COL4A6: variants seen among roughly 807,000 people sequenced by gnomAD.
COL4A6 encodes collagen type IV alpha 6 chain, also known as collagen alpha-6(IV) chain.
In COL4A6, 59 loss-of-function variants were observed where a neutral mutation model predicts 126.7. The ratio of observed to expected loss-of-function variants is 0.47; its 90% confidence interval spans 0.38 to 0.58. The LOEUF is 0.58. Among genes scored for constraint, COL4A6 ranks in the 20% least tolerant of loss-of-function variants. The pLI, the probability that COL4A6 is intolerant of heterozygous loss-of-function variation, is 0.00. For missense variants in COL4A6, 1,285 were observed against 1,337.3 expected (o/e 0.96, Z 0.61); for synonymous variants, 547 against 496.6 (o/e 1.10, Z -1.35).
At chrX:108,277,289 T>C (rs2037635772) in intron 3 of COL4A6, among the ~76,000 whole-genome samples, 1 of 111,821 alleles carries the variant, frequency 8.9e-6, no homozygotes, top group South Asian at 3.8e-4. Flanking sequence ...CCCACCCCAA[T>C]ACTGCGCTTT....
intron 2 of COL4A6, among the ~76,000 whole-genome samples, chrX:108,433,952 A>C (rs1459958893): frequency 8.9e-6 from 1 of 112,111 alleles, no homozygotes; most frequent in Non-Finnish European, 1.9e-5. Context: ...AAAATTATGA[A>C]ATAATCCATA....
intron 6 of COL4A6, among the ~76,000 whole-genome samples, 180 bp from the exon 7 acceptor site, chrX:108,211,920 G>C (rs180770002): frequency 2.9e-4 from 32 of 111,932 alleles, no homozygotes; most frequent in Non-Finnish European, 5.6e-4. Flanking sequence ...CTGATTCAGA[G>C]CTATATGCCC....
chrX:108,321,797 G>T (rs1485481621), intron 2 of COL4A6, among the ~76,000 whole-genome samples: 2 of 111,039 alleles, frequency 1.8e-5, no homozygotes, highest in Admixed American at 9.6e-5. Flanking sequence ...CTATCCTGGG[G>T]CCACATTCAC....
chrX:108,425,941 G>A (rs1026622606), intron 2 of COL4A6, among the ~76,000 whole-genome samples: 2 of 111,285 alleles, frequency 1.8e-5, no homozygotes, highest in African/African-American at 6.5e-5. Flanking sequence ...TTTGAAAAAT[G>A]TTCTAATAGA....
Position 108,174,376 on chromosome X carries a change from G to A in COL4A6, c.3138+64C>T, listed in dbSNP as rs145357359. ...CTGGGATCAGAGAGGTGGGCAGTGGGGGTATATCCCCGTGAGATGGGGGGC... is the reference window on the plus strand; with the variant it reads ...CTGGGATCAGAGAGGTGGGCAGTGGAGGTATATCCCCGTGAGATGGGGGGC... On this transcript the variant is annotated intron_variant, in intron 31 of 44. Transcript: ENST00000334504. 14,096 of 1,089,674 alleles carry A rather than the reference G, an allele frequency of 0.013. 91 individuals carry two copies. Among genetic ancestry groups the A allele is most frequent in the Non-Finnish European group, 0.016 (12,454 of 789,834 alleles). The allele number at this position is 1,089,674 out of a possible 1,213,427, so 89.8% of individuals were successfully genotyped here. A position where few individuals can be genotyped will look rare whatever the true frequency, so the allele number is the denominator to read the frequency against.
At chrX:108,228,625 C>T (rs1319982200) in intron 3 of COL4A6, among the ~76,000 whole-genome samples, 1 of 112,248 alleles carries the variant, frequency 8.9e-6, no homozygotes, top group South Asian at 3.7e-4. Context: ...GAAGGGGAAG[C>T]AAACATGTCC....
chrX:108,228,581 C>G (rs946113538), intron 3 of COL4A6, among the ~76,000 whole-genome samples: 7 of 112,452 alleles, frequency 6.2e-5, no homozygotes, highest in African/African-American at 2.3e-4. Flanking sequence ...TTCAGCATGG[C>G]TGGAGAGGCC....
At chrX:108,339,661 A>T (rs1033579269) in intron 2 of COL4A6, among the ~76,000 whole-genome samples, 2 of 111,347 alleles carry the variant, frequency 1.8e-5, no homozygotes, top group Non-Finnish European at 3.8e-5. Context: ...CAGGATTGAG[A>T]GTTTACTCAG....
chrX:108,177,645 ACCT>A (rs1361143908), intron 27 of COL4A6, among the ~76,000 whole-genome samples: 1 of 111,946 alleles, frequency 8.9e-6, no homozygotes, highest in Non-Finnish European at 1.9e-5. Flanking sequence ...AATGGGATTA[ACCT>A]CCTGAGCTGC....
intron 3 of COL4A6, among the ~76,000 whole-genome samples, chrX:108,267,368 T>C (rs976893744): frequency 3.6e-5 from 4 of 112,309 alleles, no homozygotes; most frequent in Non-Finnish European, 5.6e-5. Flanking sequence ...TAACATGATA[T>C]ATCTCCAGGT....
intron 3 of COL4A6, among the ~76,000 whole-genome samples, chrX:108,252,394 TTAGA>T (rs1184103871): frequency 8.9e-6 from 1 of 111,803 alleles, no homozygotes; most frequent in Non-Finnish European, 1.9e-5. Flanking sequence ...TGATGAACAA[TTAGA>T]TTGATTCTAT....
At chrX:108,214,253 C>T in intron 5 of COL4A6, 25 bp from the exon 6 acceptor site, 1 of 1,074,386 alleles carries the variant, frequency 9.3e-7, no homozygotes. Context: ...AAGAAGGGAT[C>T]AAGTTAGCCA....
chrX:108,232,939 C>T lies in COL4A6; in HGVS notation c.145-11565G>A, dbSNP rs778378419. 3.5e-4 allele frequency among the ~76,000 whole-genome samples: 39 copies of T among 111,081 alleles called. 1 individual carries two copies. The highest frequency in any genetic ancestry group is 1.0e-3 in the African/African-American group (32 of 30,592). ...ACCTCATTTGCTAGACTCATGAGGC[C>T]GTAAACCCTCAAGGAAGAGCTTTCA... On this transcript the variant is annotated intron_variant, in intron 3 of 44. Transcript: ENST00000334504.
intron 2 of COL4A6, among the ~76,000 whole-genome samples, chrX:108,318,922 G>T (rs2038951554): frequency 8.9e-6 from 1 of 112,490 alleles, no homozygotes; most frequent in Non-Finnish European, 1.9e-5. Flanking sequence ...TCAGATCCTA[G>T]TAACTGCTCT....
At chrX:108,162,262 A>C (rs2033970201) in intron 41 of COL4A6, among the ~76,000 whole-genome samples, 1 of 110,641 alleles carries the variant, frequency 9.0e-6, no homozygotes, top group Non-Finnish European at 1.9e-5. Flanking sequence ...AGGCGGGAGA[A>C]TCACTTGAAT....
At chrX:108,221,205 T>G (rs368350207) in intron 4 of COL4A6, 35 bp downstream of exon 4, 48 of 1,206,324 alleles carry the variant, frequency 4.0e-5, no homozygotes, top group Non-Finnish European at 5.2e-5. Context: ...TTGTGGCCCA[T>G]GCATCAAAGA....
intron 2 of COL4A6, among the ~76,000 whole-genome samples, chrX:108,370,699 G>C (rs2040304363): frequency 9.0e-6 from 1 of 110,527 alleles, no homozygotes; most frequent in Admixed American, 9.6e-5. Flanking sequence ...CCAAACTCTG[G>C]GCTGCTGCTG....
intron 3 of COL4A6, among the ~76,000 whole-genome samples, chrX:108,245,162 T>C (rs189159624): frequency 1.9e-4 from 21 of 112,456 alleles, no homozygotes; most frequent in African/African-American, 6.5e-4. Context: ...GAAGGGTGCG[T>C]GCATGTGTGC....
At chrX:108,306,970 C>A (rs916482091) in intron 3 of COL4A6, among the ~76,000 whole-genome samples, 5 of 109,562 alleles carry the variant, frequency 4.6e-5, no homozygotes, top group Non-Finnish European at 9.5e-5. Flanking sequence ...AAACAAACTG[C>A]CCCCTCCTCC....
Sources: allele counts gnomAD v4.1 joint callset (sites outside exome capture counted in the v4.1 genomes callset), GRCh38; gene constraint gnomAD v4.1.1; transcripts MANE v1.5; gene names NCBI Gene and HGNC (gene_info 2026-07-23, HGNC 2026-07-21).